OSBPL6: variants seen among roughly 807,000 people sequenced by gnomAD.
OSBPL6 encodes oxysterol binding protein like 6.
OSBPL6 carries 49 observed loss-of-function variants against 125.8 expected under a neutral mutation model. The ratio of observed to expected loss-of-function variants is 0.39; its 90% confidence interval spans 0.31 to 0.49. The LOEUF is 0.49. Ranked by LOEUF, OSBPL6 falls within the 20% of genes least tolerant of loss-of-function variation. OSBPL6 has a pLI of 0.88. For synonymous variants in OSBPL6, 394 were observed against 391.8 expected (o/e 1.01, Z -0.07); for missense variants, 986 against 1,135.4 (o/e 0.87, Z 1.89).
intron 1 of OSBPL6, among the ~76,000 whole-genome samples, chr2:178,204,462 C>T (rs1490879773): frequency 6.6e-6 from 1 of 152,200 alleles, no homozygotes; most frequent in Non-Finnish European, 1.5e-5. Flanking sequence ...TGGGTTCCCC[C>T]TCCCTGTGCC....
intron 1 of OSBPL6, among the ~76,000 whole-genome samples, chr2:178,226,977 G>A (rs1040749104): frequency 6.6e-6 from 1 of 152,052 alleles, no homozygotes; most frequent in Non-Finnish European, 1.5e-5. Flanking sequence ...TGGGAATGAA[G>A]GTTGAATAGC....
rs1226225972 is a variant in OSBPL6 at position 178,220,238 on chromosome 2, C to T, written c.-351+25564C>T. 3.9e-5 allele frequency among the ~76,000 whole-genome samples: 6 copies of T among 152,084 alleles called. No homozygotes were observed. In the East Asian group the frequency reaches 1.2e-3, roughly 29 times the overall value. On this transcript the variant is annotated intron_variant, in intron 1 of 24. Coordinates refer to ENST00000190611, the MANE Select transcript of OSBPL6 (RefSeq NM_032523.4). ...ACCTTGGATTAATGGGAAGTATATCCTCCACCCCCACCCCTGCCTTTTTTT... is the reference window on the plus strand; with the variant it reads ...ACCTTGGATTAATGGGAAGTATATCTTCCACCCCCACCCCTGCCTTTTTTT...
At chr2:178,228,275 C>CAT (rs2090649572) in intron 1 of OSBPL6, among the ~76,000 whole-genome samples, 18 of 152,342 alleles carry the variant, frequency 1.2e-4, no homozygotes, top group Admixed American at 1.1e-3. Flanking sequence ...GTGGCTCATG[C>CAT]CTGTAATCCC....
intron 3 of OSBPL6, among the ~76,000 whole-genome samples, chr2:178,310,652 C>T (rs1431035893): frequency 2.0e-5 from 3 of 151,956 alleles, no homozygotes; most frequent in Admixed American, 6.6e-5. Context: ...CTCCTGACCT[C>T]ATGATCCGCC....
In OSBPL6 at chr2:178,197,602, G is replaced by A. The variant is rs148486156; in HGVS notation, c.-351+2928G>A. On this transcript the variant is annotated intron_variant, in intron 1 of 24. Coordinates refer to ENST00000190611, the MANE Select transcript of OSBPL6 (RefSeq NM_032523.4). Reference sequence around the variant, plus strand: ...AAATTTAATTTATAAATTAGGTACAGTAAGAGATTAACAATCATAATAAAC... The same window carrying A: ...AAATTTAATTTATAAATTAGGTACAATAAGAGATTAACAATCATAATAAAC... Among the ~76,000 whole-genome samples, 421 of 152,242 alleles carry A rather than the reference G, an allele frequency of 2.8e-3. 1 individual carries two copies. The highest frequency in any genetic ancestry group is 9.1e-3 in the African/African-American group (380 of 41,546).
intron 3 of OSBPL6, among the ~76,000 whole-genome samples, chr2:178,317,042 T>C (rs955545239): frequency 6.6e-6 from 1 of 152,138 alleles, no homozygotes; most frequent in Non-Finnish European, 1.5e-5. Flanking sequence ...TTATTGCTGG[T>C]TATGGGTGGT....
At chr2:178,385,764 G>A (rs192607522) in intron 19 of OSBPL6, among the ~76,000 whole-genome samples, 30 of 152,312 alleles carry the variant, frequency 2.0e-4, no homozygotes, top group South Asian at 1.4e-3. Flanking sequence ...GCTCCATGCG[G>A]ACTGTGCCGG....
chr2:178,291,088 A>G (rs1345943780), intron 2 of OSBPL6, among the ~76,000 whole-genome samples: 1 of 149,614 alleles, frequency 6.7e-6, no homozygotes, highest in African/African-American at 2.4e-5. Flanking sequence ...CTTACAGAAT[A>G]AAGAGTTAAC....
At chr2:178,229,220 A>AC (rs1483012965) in intron 1 of OSBPL6, among the ~76,000 whole-genome samples, 3 of 152,056 alleles carry the variant, frequency 2.0e-5, no homozygotes, top group Non-Finnish European at 4.4e-5. Context: ...TACAGGCCCC[A>AC]CCTCCCAATA....
chr2:178,311,647 G>A (rs1687277878), intron 3 of OSBPL6, among the ~76,000 whole-genome samples: 1 of 152,224 alleles, frequency 6.6e-6, no homozygotes, highest in Admixed American at 6.5e-5. Flanking sequence ...TGGGAGCTCG[G>A]CTCCAGAGGT....
intron 1 of OSBPL6, among the ~76,000 whole-genome samples, chr2:178,282,164 T>A (rs1188763205): frequency 6.6e-6 from 1 of 152,162 alleles, no homozygotes; most frequent in African/African-American, 2.4e-5. Context: ...TGTGCTGGAT[T>A]TTGAAGGCTG....
intron 12 of OSBPL6, among the ~76,000 whole-genome samples, chr2:178,361,179 C>T (rs1307703903): frequency 2.0e-5 from 3 of 152,292 alleles, no homozygotes; most frequent in East Asian, 1.9e-4. Context: ...TCCAAGAGAA[C>T]CAGTCAAAAC....
chr2:178,279,044 G>C (rs1029428830), intron 1 of OSBPL6, among the ~76,000 whole-genome samples: 4 of 152,118 alleles, frequency 2.6e-5, no homozygotes, highest in African/African-American at 9.7e-5. Context: ...CTCATTTCTT[G>C]TTTTTGGTAT....
chr2:178,354,637 T>G (rs980711560), intron 12 of OSBPL6, among the ~76,000 whole-genome samples: 1 of 152,090 alleles, frequency 6.6e-6, no homozygotes, highest in African/African-American at 2.4e-5. Flanking sequence ...ACAATAATAA[T>G]GGGAGACTTA....
intron 1 of OSBPL6, among the ~76,000 whole-genome samples, chr2:178,223,264 T>C (rs1454802107): frequency 6.6e-6 from 1 of 152,212 alleles, no homozygotes; most frequent in African/African-American, 2.4e-5. Flanking sequence ...GATAGAGCAT[T>C]TTTCTGTATT....
At chr2:178,202,404 G>A (rs2089301005) in intron 1 of OSBPL6, among the ~76,000 whole-genome samples, 1 of 152,120 alleles carries the variant, frequency 6.6e-6, no homozygotes, top group Admixed American at 6.5e-5. Flanking sequence ...TAAAATTCTA[G>A]GTAGACTGTA....
At chr2:178,224,000 C>T (rs755233946) in intron 1 of OSBPL6, among the ~76,000 whole-genome samples, 7 of 152,218 alleles carry the variant, frequency 4.6e-5, no homozygotes, top group Non-Finnish European at 1.0e-4. Flanking sequence ...GGCAACCTTA[C>T]TGGCTTCTAA....
At chr2:178,336,899 T>G (rs911292113) in intron 9 of OSBPL6, among the ~76,000 whole-genome samples, 4 of 152,176 alleles carry the variant, frequency 2.6e-5, no homozygotes, top group Admixed American at 2.0e-4. Context: ...AGGTGTATGT[T>G]TCCTGACAAC....
intron 3 of OSBPL6, among the ~76,000 whole-genome samples, chr2:178,322,184 C>T (rs1332917147): frequency 6.6e-6 from 1 of 152,144 alleles, no homozygotes; most frequent in African/African-American, 2.4e-5. Flanking sequence ...TATTTCCTGC[C>T]TACATAGTTA....
Sources: gnomAD v4.1 joint callset for allele counts (sites outside exome capture counted in the v4.1 genomes callset) on GRCh38, gnomAD v4.1.1 for gene constraint, MANE v1.5 for transcripts, NCBI Gene and HGNC (gene_info 2026-07-23, HGNC 2026-07-21) for gene names.